The following HAP1 variants were observed in gnomAD, a reference collection of about 807,000 sequenced individuals.
The protein encoded by HAP1 is huntingtin associated protein 1, also known as huntingtin-associated protein 1.
In HAP1, 59 loss-of-function variants were observed where a neutral mutation model predicts 60.3. The observed-to-expected ratio is 0.98, with a 90% CI of 0.79 to 1.22. HAP1 has a LOEUF of 1.22. HAP1 is among the 50% of genes most tolerant of loss of function. The pLI, the probability that HAP1 is intolerant of heterozygous loss-of-function variation, is 0.00. For synonymous variants in HAP1, 346 were observed against 330.6 expected, an observed-to-expected ratio of 1.05 and a Z score of -0.50; for missense variants, 825 against 785.3, an observed-to-expected ratio of 1.05 and a Z score of -0.60.
chr17:41,728,433 G>T, intron 6 of HAP1, 102 bp from the exon 7 acceptor site: 1 of 1,030,758 alleles, frequency 9.7e-7, no homozygotes, highest in Non-Finnish European at 1.4e-6. Context: ...CGGCTGCTGC[G>T]CTGTGCCAGT....
chr17:41,724,406 T>G lies in HAP1; in HGVS notation c.*295A>C. The G allele has an allele frequency of 3.3e-6, 1 of 304,366 alleles. No individual in the cohort carries two copies. The highest frequency in any genetic ancestry group is 4.4e-5 in the Admixed American group (1 of 22,740). 18.9% of individuals were successfully genotyped at this position (304,366 alleles called of 1,614,324 possible). On this transcript the variant is annotated 3_prime_UTR_variant, in exon 11 of 11. Coordinates refer to ENST00000347901, the MANE Select transcript of HAP1 (RefSeq NM_177977.3). Reference sequence around the variant, plus strand: ...CTGCAGAGTTGGAGAGCCTGGGGGATAGAGGAGGCAGGGGTTGGGGGCAGG... The same window carrying G: ...CTGCAGAGTTGGAGAGCCTGGGGGAGAGAGGAGGCAGGGGTTGGGGGCAGG...
intron 6 of HAP1, among the ~76,000 whole-genome samples, chr17:41,729,460 G>A (rs1911952476): frequency 7.2e-6 from 1 of 138,262 alleles, no homozygotes. Context: ...TGAGGCAGGA[G>A]AATCGCTTAA....
rs1018646921 is a variant in HAP1, at chr17:41,724,763, C to T, written c.1798G>A (p.Glu600Lys). The change falls in exon 11 of 11, where the codon GAG becomes AAG. Residue 600 changes from glutamate (E) to lysine (K), a missense_variant. Glu to Lys is a moderately conservative substitution (Grantham distance 56, BLOSUM62 1). Coordinates refer to ENST00000347901, the MANE Select transcript of HAP1 (RefSeq NM_177977.3). ...GCAGGGAGGGCCCCGTGGGGGCACTCACCTTTCTGGAGCATCTTCCACCTC... is the reference window on the plus strand; with the variant it reads ...GCAGGGAGGGCCCCGTGGGGGCACTTACCTTTCTGGAGCATCTTCCACCTC... ...QLRWKMLQKG[E>K]CPHGALPAAS... 1.2e-6 allele frequency: 2 copies of T among 1,606,070 alleles called. No individual in the cohort carries two copies. The highest frequency in any genetic ancestry group is 1.3e-5 in the African/African-American group (1 of 74,818).
chr17:41,733,667 C>A (rs905641905), intron 1 of HAP1, among the ~76,000 whole-genome samples: 2 of 152,068 alleles, frequency 1.3e-5, no homozygotes, highest in African/African-American at 4.8e-5. Flanking sequence ...CTCCCCCGAC[C>A]CGCAGGAGGA....
intron 9 of HAP1, 25 bp downstream of exon 9, chr17:41,727,028 G>C: frequency 8.1e-7 from 1 of 1,235,592 alleles, no homozygotes; most frequent in Non-Finnish European, 1.2e-6. Context: ...GGCCTATGGG[G>C]CAAGGGAGGG....
intron 6 of HAP1, 23 bp downstream of exon 6, chr17:41,731,470 C>T: frequency 6.5e-7 from 1 of 1,548,770 alleles, no homozygotes; most frequent in African/African-American, 1.4e-5. Context: ...CAACCCCCCA[C>T]CCCGAGTGAC....
At chr17:41,719,680 G>A (rs868975724), downstream of HAP1, among the ~76,000 whole-genome samples, 1 of 122,196 alleles carries the variant, frequency 8.2e-6, no homozygotes, top group East Asian at 2.6e-4. Flanking sequence ...GAGACAGGGC[G>A]AGACTCTGTC....
Position 41,734,624 on chromosome 17 carries a change from T to G in HAP1, c.11A>C (p.Lys4Thr), listed in dbSNP as rs4796604. The part of the protein sequence containing the change: MRP[K>T]RLGRCCAGSR... ...CCCCGCGCAGCACCGGCCCAACCTC[T>G]TCGGGCGCATCTCGAGTCTGCCGTC... The change falls in exon 1 of 11, where the codon AAG becomes ACG. Residue 4 changes from lysine to threonine, a missense_variant. Lys to Thr is a moderately conservative substitution (Grantham distance 78). Coordinates refer to ENST00000347901, the MANE Select transcript of HAP1 (RefSeq NM_177977.3). 1.3e-6 allele frequency: 2 copies of G among 1,520,450 alleles called. No homozygotes were observed. The highest frequency in any genetic ancestry group is 2.4e-5 in the South Asian group (2 of 82,034). The allele number at this position is 1,520,450 out of a possible 1,614,324, so 94.2% of individuals were successfully genotyped here.
Position 41,730,013 on chromosome 17 carries a change from C to CAAAA in HAP1, c.1069+1476_1069+1479dup, listed in dbSNP as rs869159154. ...AAGACTGCAACACTGTACTCCATCT[C>CAAAA]AAAAAAAAAAAGAAAGAAAGAGAGA... On this transcript the variant is annotated intron_variant, in intron 6 of 10. Coordinates refer to ENST00000347901, the MANE Select transcript of HAP1 (RefSeq NM_177977.3). 6.6e-3 allele frequency: 191 copies of CAAAA among 29,150 alleles called. 8 individuals are homozygous for CAAAA. The highest frequency in any genetic ancestry group is 0.027 in the African/African-American group (181 of 6,788). The allele number at this position is 29,150 out of a possible 1,614,324, so 1.8% of individuals were successfully genotyped here.
At position 41,731,583 on chromosome 17, in the gene HAP1, G is replaced by T. The variant is rs1912202586; in HGVS notation, c.1003-24C>A. On this transcript the variant is annotated intron_variant, in intron 5 of 10. Coordinates refer to ENST00000347901, the MANE Select transcript of HAP1 (RefSeq NM_177977.3). Reference sequence around the variant, plus strand: ...GCCTGGAGGGAGACAAAGAGGAAGGGACAGGGAAGTCAACACCCCCTGCTA... The same window carrying T: ...GCCTGGAGGGAGACAAAGAGGAAGGTACAGGGAAGTCAACACCCCCTGCTA... 3.7e-6 allele frequency: 6 copies of T among 1,605,198 alleles called. No individual in the cohort carries two copies. The East Asian group carries it at 1.3e-4, about 36-fold the overall frequency.
In HAP1 at chr17:41,728,234, G is replaced by A; in HGVS notation, c.1167C>T (p.Ala389=). ...RQQQEVARLQ[A]QVLKLQQRCR... ...AGCGCTGCTGCAGCTTCAGCACCTGGGCCTGCAGCCGAGCGACCTCCTGCT... is the reference window on the plus strand; with the variant it reads ...AGCGCTGCTGCAGCTTCAGCACCTGAGCCTGCAGCCGAGCGACCTCCTGCT... Residue 389 remains alanine (A), a synonymous_variant, in exon 7 of 11, where the codon GCC becomes GCT. Coordinates refer to ENST00000347901, the MANE Select transcript of HAP1 (RefSeq NM_177977.3). The A allele has an allele frequency of 1.2e-6, 2 of 1,613,080 alleles. No individual in the cohort carries two copies. Among genetic ancestry groups the A allele is most frequent in the Non-Finnish European group, 1.7e-6 (2 of 1,180,008 alleles).
rs782505454 is a variant in HAP1, at chr17:41,734,615, C to A, written c.20G>T (p.Gly7Val). 4 of 1,549,346 alleles carry A rather than the reference C, an allele frequency of 2.6e-6. No homozygotes were observed. Among genetic ancestry groups the A allele is most frequent in the East Asian group, 2.3e-5 (1 of 43,244 alleles). Residue 7 changes from glycine to valine, a missense_variant, in exon 1 of 11, where the codon GGC (glycine) becomes GTC (valine). Transcript: ENST00000347901. MRPKRLGRCCAGSRLGP... is the reference protein window; with the variant it reads MRPKRLVRCCAGSRLGP... ...GAGCCGGCTCCCCGCGCAGCACCGG[C>A]CCAACCTCTTCGGGCGCATCTCGAG...
chr17:41,725,237 C>G lies in HAP1; in HGVS notation c.1407-83G>C, dbSNP rs554458454. ...ACCCCCACCCGTCTCCACACAGATC[C>G]TGATGGTTCCTCCTGGTTCTGTCCC... On this transcript the variant is annotated intron_variant, in intron 10 of 10. Transcript: ENST00000347901. 6.3e-6 allele frequency: 7 copies of G among 1,108,092 alleles called. No homozygotes were observed. In the East Asian group the frequency reaches 1.5e-4, roughly 23 times the overall value. The allele number at this position is 1,108,092 out of a possible 1,614,324, so 68.6% of individuals were successfully genotyped here. A position where few individuals can be genotyped will look rare whatever the true frequency, so the allele number is the denominator to read the frequency against.
At chr17:41,720,278 C>A (rs1260375448), downstream of HAP1, among the ~76,000 whole-genome samples, 1 of 151,938 alleles carries the variant, frequency 6.6e-6, no homozygotes, top group Non-Finnish European at 1.5e-5. Flanking sequence ...TCACTGCAAC[C>A]TCCGCCTCCC....
intron 6 of HAP1, among the ~76,000 whole-genome samples, chr17:41,728,579 C>G (rs1300594897): frequency 1.3e-5 from 2 of 152,210 alleles, no homozygotes; most frequent in Non-Finnish European, 2.9e-5. Context: ...GGTGGGGAGA[C>G]AGACCACAGT....
downstream of HAP1, among the ~76,000 whole-genome samples, chr17:41,720,529 A>T (rs1035377172): frequency 6.6e-6 from 1 of 152,166 alleles, no homozygotes; most frequent in African/African-American, 2.4e-5. Flanking sequence ...TGGTAGATGG[A>T]CACAGTTGAA....
chr17:41,734,517 G>C lies in HAP1; in HGVS notation c.118C>G (p.Gln40Glu). The change falls in exon 1 of 11, where the codon CAG (glutamine) becomes GAG (glutamate). Residue 40 changes from glutamine (Q) to glutamate (E), a missense_variant. By Grantham distance (29) the Gln-to-Glu change is conservative (BLOSUM62 2). Coordinates refer to ENST00000347901, the MANE Select transcript of HAP1 (RefSeq NM_177977.3). The stretch of plus-strand genomic sequence containing the variant: ...TGTCCAGTGCCCCGTGCCTGCGGCT[G>C]CGCAGAGGGCTCCGGAGCGGGACTG... The part of the protein sequence containing the change: ...SASPAPEPSA[Q>E]PQARGTGQRV... 6.2e-7 allele frequency: 1 copy of C among 1,611,866 alleles called. No individual in the cohort carries two copies. The highest frequency in any genetic ancestry group is 8.5e-7 in the Non-Finnish European group (1 of 1,179,670).
At chr17:41,731,154 G>A (rs1006216636) in intron 6 of HAP1, among the ~76,000 whole-genome samples, 20 of 152,024 alleles carry the variant, frequency 1.3e-4, no homozygotes, top group Non-Finnish European at 1.2e-4. Context: ...CAGGTGATCC[G>A]CCGGCCTCAG....
rs181335007 is a variant in HAP1, at chr17:41,725,540, C to G, written c.1406+319G>C. 3.5e-3 allele frequency among the ~76,000 whole-genome samples: 527 copies of G among 152,320 alleles called. 2 individuals carry two copies. The highest frequency in any genetic ancestry group is 6.3e-3 in the Non-Finnish European group (431 of 68,022). On this transcript the variant is annotated intron_variant, in intron 10 of 10. Transcript: ENST00000347901. The stretch of plus-strand genomic sequence containing the variant: ...GTCAAATGACTTGCCCAAGGACACA[C>G]AGTCAGGAAAGGGACCACGCTGGGC...
Sources: gnomAD v4.1 joint callset for allele counts (sites outside exome capture counted in the v4.1 genomes callset) on GRCh38, gnomAD v4.1.1 for gene constraint, MANE v1.5 for transcripts, NCBI Gene and HGNC (gene_info 2026-07-23, HGNC 2026-07-21) for gene names.